ERBB4: variants seen among roughly 807,000 people sequenced by gnomAD.
ERBB4 encodes the protein receptor tyrosine-protein kinase erbB-4.
Under a neutral mutation model 158.0 loss-of-function variants are expected in ERBB4, and 42 were observed. The observed-to-expected ratio is 0.27, with a 90% CI of 0.21 to 0.34. ERBB4 has a LOEUF of 0.34. Among genes scored for constraint, ERBB4 ranks in the 10% least tolerant of loss-of-function variants. The probability of loss-of-function intolerance (pLI) is 1.00; values close to 1 mark genes in which losing one functional copy is unlikely to be tolerated. For missense variants in ERBB4, 1,333 were observed against 1,624.1 expected, an observed-to-expected ratio of 0.82 and a Z score of 3.08; for synonymous variants, 583 against 558.7, an observed-to-expected ratio of 1.04 and a Z score of -0.61.
chr2:211,784,140 T>G (rs545430243), intron 4 of ERBB4, among the ~76,000 whole-genome samples: 2 of 152,342 alleles, frequency 1.3e-5, no homozygotes, highest in Non-Finnish European at 2.9e-5. Flanking sequence ...TCTTAACCAC[T>G]TTTAAGTGTA....
chr2:211,805,909 A>G (rs1165539461), intron 3 of ERBB4, among the ~76,000 whole-genome samples: 1 of 151,724 alleles, frequency 6.6e-6, no homozygotes, highest in Admixed American at 6.6e-5. Context: ...ATATTTAACA[A>G]AATTGAAGAA....
At chr2:211,797,093 A>G (rs2076398291) in intron 3 of ERBB4, among the ~76,000 whole-genome samples, 1 of 151,982 alleles carries the variant, frequency 6.6e-6, no homozygotes, top group South Asian at 2.1e-4. Flanking sequence ...TCTTCTTGCT[A>G]TTAAAATAGA....
intron 1 of ERBB4, among the ~76,000 whole-genome samples, chr2:212,391,650 ATAT>A (rs1232988682): frequency 2.1e-5 from 3 of 140,882 alleles, no homozygotes; most frequent in Non-Finnish European, 4.6e-5. Flanking sequence ...ATAATATTAT[ATAT>A]TATATTATGT....
At chr2:212,208,798 G>T (rs1348677833) in intron 1 of ERBB4, among the ~76,000 whole-genome samples, 1 of 152,086 alleles carries the variant, frequency 6.6e-6, no homozygotes, top group African/African-American at 2.4e-5. Context: ...ATCATCCAAG[G>T]CAAAGAACGT....
At chr2:212,112,423 A>G (rs1015493169) in intron 2 of ERBB4, among the ~76,000 whole-genome samples, 2 of 151,284 alleles carry the variant, frequency 1.3e-5, no homozygotes, top group African/African-American at 4.9e-5. Context: ...ACCTTTTTCA[A>G]TCTAGTTCCG....
chr2:212,054,721 T>C (rs1025710849), intron 2 of ERBB4, among the ~76,000 whole-genome samples: 1 of 152,132 alleles, frequency 6.6e-6, no homozygotes, highest in Non-Finnish European at 1.5e-5. Context: ...TCAGATGCTT[T>C]TTCTGGAAGA....
chr2:211,561,647 C>T (rs752825867), intron 20 of ERBB4: 13 of 482,238 alleles, frequency 2.7e-5, no homozygotes, highest in Non-Finnish European at 4.1e-5. Context: ...ATTCCTCCCC[C>T]TGACTACCAA....
rs913794915 is a variant in ERBB4, at chr2:211,591,666, C to T, written c.2301+27511G>A. 2.6e-5 allele frequency among the ~76,000 whole-genome samples: 4 copies of T among 152,228 alleles called. No homozygotes were observed. In the East Asian group the frequency reaches 7.7e-4, roughly 29 times the overall value. ...CACTAACTGCACTAGTGGTTCCCCA[C>T]ACTCAGCTCTGCAGTCCTCAAAGCA... On this transcript the variant is annotated intron_variant, in intron 19 of 27. Coordinates refer to ENST00000342788, the MANE Select transcript of ERBB4 (RefSeq NM_005235.3).
chr2:211,589,543 G>A (rs558908178), intron 19 of ERBB4, among the ~76,000 whole-genome samples: 4 of 152,062 alleles, frequency 2.6e-5, no homozygotes, highest in South Asian at 2.1e-4. Flanking sequence ...TTCATTTTCC[G>A]TAACATCCAC....
At chr2:211,984,375 G>GA (rs1271230687) in intron 2 of ERBB4, among the ~76,000 whole-genome samples, 1 of 151,846 alleles carries the variant, frequency 6.6e-6, no homozygotes, top group Non-Finnish European at 1.5e-5. Context: ...AACTAAAAAT[G>GA]AAAAAAGTAT....
chr2:211,657,835 G>A lies in ERBB4; in HGVS notation c.1872-7C>T. On this transcript the variant is annotated splice_region_variant and splice_polypyrimidine_tract_variant and intron_variant, in intron 15 of 27. Coordinates refer to ENST00000342788, the MANE Select transcript of ERBB4 (RefSeq NM_005235.3). ...ACTAGTGGGACCGTTACACCTGCAG[G>A]CAATTACAGAACAGAAAACATCATT... 1.2e-6 allele frequency: 2 copies of A among 1,613,180 alleles called. No homozygotes were observed. The highest frequency in any genetic ancestry group is 2.2e-5 in the South Asian group (2 of 91,060).
intron 1 of ERBB4, among the ~76,000 whole-genome samples, chr2:212,257,769 C>A (rs1278269115): frequency 2.0e-5 from 3 of 151,996 alleles, no homozygotes; most frequent in African/African-American, 7.2e-5. Context: ...TATATATTAT[C>A]TACTGTAGTA....
chr2:212,523,317 T>C (rs1025551070), intron 1 of ERBB4, among the ~76,000 whole-genome samples: 2 of 151,946 alleles, frequency 1.3e-5, no homozygotes, highest in Non-Finnish European at 2.9e-5. Context: ...ATTCCTGCTG[T>C]GCCTAACTAT....
At chr2:212,108,204 G>C (rs1035095952) in intron 2 of ERBB4, among the ~76,000 whole-genome samples, 1 of 152,056 alleles carries the variant, frequency 6.6e-6, no homozygotes, top group South Asian at 2.1e-4. Flanking sequence ...GACACAGCAC[G>C]AGCAAAAACA....
Position 211,708,876 on chromosome 2 carries a change from C to T in ERBB4, c.1124+3174G>A, listed in dbSNP as rs115373672. 5.9e-3 allele frequency among the ~76,000 whole-genome samples: 900 copies of T among 152,098 alleles called. 9 individuals are homozygous for T. Among genetic ancestry groups the T allele is most frequent in the Middle Eastern group, 6.8e-3 (2 of 294 alleles). On this transcript the variant is annotated intron_variant, in intron 9 of 27. Transcript: ENST00000342788. ...GCCATGCAACTCAACACAAACCCTC[C>T]GTGGTGGAGCTGCAAATCACACTCC...
At chr2:212,195,172 A>T (rs1574411117) in intron 1 of ERBB4, among the ~76,000 whole-genome samples, 1 of 151,982 alleles carries the variant, frequency 6.6e-6, no homozygotes. Flanking sequence ...TAGTAACAGG[A>T]TCCTCATTTG....
chr2:211,869,455 G>A (rs571855172), intron 3 of ERBB4, among the ~76,000 whole-genome samples: 129 of 152,150 alleles, frequency 8.5e-4, no homozygotes, highest in African/African-American at 2.8e-3. Context: ...TGTAATAATA[G>A]TTACATAGTT....
chr2:212,498,875 G>T (rs1271345993), intron 1 of ERBB4, among the ~76,000 whole-genome samples: 2 of 151,888 alleles, frequency 1.3e-5, no homozygotes, highest in East Asian at 3.9e-4. Context: ...AACTAGCTGA[G>T]CATCAGAATA....
chr2:211,701,234 T>C lies in ERBB4; in HGVS notation c.1489+733A>G, dbSNP rs567021508. Among the ~76,000 whole-genome samples the C allele has an allele frequency of 2.9e-4, 44 of 152,308 alleles. No homozygotes were observed. The South Asian group carries it at 8.9e-3, about 31-fold the overall frequency. ...ACATATACTTCTTGAATAGTAGTTT[T>C]TACATGTTAGAAAAATACGTCATTT... On this transcript the variant is annotated intron_variant, in intron 12 of 27. Transcript: ENST00000342788.
Sources: allele counts gnomAD v4.1 joint callset (sites outside exome capture counted in the v4.1 genomes callset), GRCh38; gene constraint gnomAD v4.1.1; transcripts MANE v1.5; gene names NCBI Gene and HGNC (gene_info 2026-07-23, HGNC 2026-07-21).